CPEB3: variants seen among roughly 807,000 people sequenced by gnomAD.
CPEB3 encodes the protein cytoplasmic polyadenylation element-binding protein 3.
In CPEB3, 20 loss-of-function variants were observed where a neutral mutation model predicts 67.2. The ratio of observed to expected loss-of-function variants is 0.30; its 90% confidence interval spans 0.21 to 0.43. CPEB3 has a LOEUF of 0.43. Ranked by LOEUF, CPEB3 falls within the 20% of genes least tolerant of loss-of-function variation. CPEB3 has a pLI of 1.00. For missense variants in CPEB3, 746 were observed against 968.6 expected (o/e 0.77, Z 3.05); for synonymous variants, 376 against 393.1 (o/e 0.96, Z 0.51).
intron 7 of CPEB3, among the ~76,000 whole-genome samples, chr10:92,110,698 C>G (rs766113126): frequency 1.3e-5 from 2 of 152,228 alleles, no homozygotes; most frequent in Non-Finnish European, 2.9e-5. Context: ...GGCACATAAA[C>G]ATCAACAATT....
At chr10:92,229,784 C>A (rs962434417) in intron 2 of CPEB3, among the ~76,000 whole-genome samples, 1 of 152,202 alleles carries the variant, frequency 6.6e-6, no homozygotes, top group African/African-American at 2.4e-5. Context: ...GTGGCTTACG[C>A]CTATAATCCC....
Position 92,239,362 on chromosome 10 carries a change from T to C in CPEB3, c.989A>G (p.Asn330Ser), listed in dbSNP as rs930750888. ...GAGTATTACCTGAAATGGCAACAGATTGTTACCATTATCGGTCCGGAAAGC... is the reference window on the plus strand; with the variant it reads ...GAGTATTACCTGAAATGGCAACAGACTGTTACCATTATCGGTCCGGAAAGC... ...DNAFRTDNGN[N>S]LLPFQDRSRP... is the part of the protein sequence containing the mutation. Residue 330 changes from asparagine (N) to serine (S), a missense_variant, in exon 2 of 10, where the codon AAT becomes AGT. Asn to Ser is a conservative substitution (Grantham distance 46, BLOSUM62 1). Around this residue, in one of 2 missense-constraint regions of CPEB3, gnomAD observed 643 missense variants for 717.5 expected, o/e 0.90. Coordinates refer to ENST00000265997, the MANE Select transcript of CPEB3 (RefSeq NM_014912.5). The surrounding 1 kb of genome is among the most constrained non-coding windows in gnomAD (Gnocchi z 6.0). 18 of 1,605,770 alleles carry C rather than the reference T, an allele frequency of 1.1e-5. No homozygotes were observed. The highest frequency in any genetic ancestry group is 1.4e-5 in the Non-Finnish European group (17 of 1,176,418).
At chr10:92,059,943 G>C (rs1168199301) in intron 9 of CPEB3, among the ~76,000 whole-genome samples, 2 of 136,978 alleles carry the variant, frequency 1.5e-5, no homozygotes, top group African/African-American at 5.8e-5. Context: ...GCGACAGAGC[G>C]AGACTCCTCA....
At chr10:92,289,732 A>AAAAAAAAAAAAAAAAAAAAAATAT in intron 1 of CPEB3, among the ~76,000 whole-genome samples, 6 of 75,768 alleles carry the variant, frequency 7.9e-5, no homozygotes, top group Non-Finnish European at 1.3e-4. Context: ...AAAAAAAAAA[A>AAAAAAAAAAAAAAAAAAAAAATAT]ATATATATAT....
At chr10:92,159,679 A>T (rs949873269) in intron 4 of CPEB3, among the ~76,000 whole-genome samples, 1 of 152,190 alleles carries the variant, frequency 6.6e-6, no homozygotes, top group Non-Finnish European at 1.5e-5. Flanking sequence ...CTCAAAAAAA[A>T]ACAGAAAACA....
chr10:92,066,201 A>G (rs1842541482), intron 9 of CPEB3, among the ~76,000 whole-genome samples: 1 of 152,172 alleles, frequency 6.6e-6, no homozygotes, highest in East Asian at 1.9e-4. Context: ...TTTAAAAAAT[A>G]TACTATGCAA....
chr10:92,216,640 G>C, intron 2 of CPEB3: 1 of 1,607,882 alleles, frequency 6.2e-7, no homozygotes, highest in Admixed American at 1.7e-5. Context: ...ACCGAAATCT[G>C]CCCTATGTCT....
At chr10:92,248,563 A>G (rs933131740) in intron 1 of CPEB3, among the ~76,000 whole-genome samples, 2 of 152,228 alleles carry the variant, frequency 1.3e-5, no homozygotes, top group African/African-American at 4.8e-5. Flanking sequence ...TGGATGAATA[A>G]AGCATAGTTT....
intron 6 of CPEB3, among the ~76,000 whole-genome samples, chr10:92,121,517 G>C (rs985192798): frequency 2.7e-5 from 4 of 150,840 alleles, no homozygotes; most frequent in Non-Finnish European, 5.9e-5. Flanking sequence ...CTTTTTTGTA[G>C]GTTTGACTTT....
intron 6 of CPEB3, among the ~76,000 whole-genome samples, chr10:92,134,797 T>C (rs891548305): frequency 3.9e-5 from 6 of 151,944 alleles, no homozygotes; most frequent in African/African-American, 1.4e-4. Flanking sequence ...AACAGCATGG[T>C]ACTGGGACCA....
intron 7 of CPEB3, among the ~76,000 whole-genome samples, chr10:92,102,243 G>A (rs951088217): frequency 6.6e-6 from 1 of 152,150 alleles, no homozygotes; most frequent in East Asian, 1.9e-4. Context: ...TAGCTCTGGG[G>A]GCTTCAGTCA....
chr10:92,142,821 A>AAC lies in CPEB3; in HGVS notation c.1453+207_1453+208insGT, dbSNP rs1366523741. 4.6e-3 allele frequency among the ~76,000 whole-genome samples: 700 copies of AAC among 152,324 alleles called. 8 individuals carry two copies. The highest frequency in any genetic ancestry group is 0.031 in the Middle Eastern group (9 of 294). The stretch of plus-strand genomic sequence containing the variant: ...ACTTCCAGGGTCTCACTGTCAATAA[A>AAC]ATCGGTGCCATGAAACAATCAGTGT... On this transcript the variant is annotated intron_variant, in intron 6 of 9. Coordinates refer to ENST00000265997, the MANE Select transcript of CPEB3 (RefSeq NM_014912.5).
intron 9 of CPEB3, among the ~76,000 whole-genome samples, chr10:92,079,910 T>C (rs1305928154): frequency 6.6e-6 from 1 of 152,130 alleles, no homozygotes; most frequent in Non-Finnish European, 1.5e-5. Flanking sequence ...TGTTCAAGAC[T>C]TGGTGCTCGG....
At chr10:92,209,504 A>G (rs939217181) in intron 2 of CPEB3, among the ~76,000 whole-genome samples, 1 of 152,044 alleles carries the variant, frequency 6.6e-6, no homozygotes, top group Admixed American at 6.5e-5. Context: ...CAGCCTGGGC[A>G]ACAAGAGACA....
chr10:92,223,736 G>A (rs1312241210), intron 2 of CPEB3, among the ~76,000 whole-genome samples: 2 of 144,032 alleles, frequency 1.4e-5, no homozygotes, highest in Non-Finnish European at 3.0e-5. Flanking sequence ...ACCACGCCTG[G>A]TTAATTTTTG....
At position 92,117,628 on chromosome 10, in the gene CPEB3, T is replaced by C. The variant is rs182236028; in HGVS notation, c.1454-6434A>G. On this transcript the variant is annotated intron_variant, in intron 6 of 9. Transcript: ENST00000265997. ...TACAGGTGTGAGCCACCGTGCCCAG[T>C]AGTGATTTTTTTCTTTTAATACCTG... is the stretch of plus-strand genomic sequence containing the variant. Among the ~76,000 whole-genome samples, 276 of 151,962 alleles carry C rather than the reference T, an allele frequency of 1.8e-3. 1 individual carries two copies. The highest frequency in any genetic ancestry group is 6.5e-3 in the African/African-American group (268 of 41,464).
At chr10:92,080,386 C>T (rs941098516) in intron 9 of CPEB3, among the ~76,000 whole-genome samples, 3 of 152,110 alleles carry the variant, frequency 2.0e-5, no homozygotes, top group African/African-American at 4.8e-5. Context: ...CACCAACTGC[C>T]TAAAACTCTA....
At chr10:92,074,328 C>G (rs1002055847) in intron 9 of CPEB3, among the ~76,000 whole-genome samples, 2 of 152,164 alleles carry the variant, frequency 1.3e-5, no homozygotes, top group Admixed American at 6.5e-5. Flanking sequence ...TGTGTGTCCA[C>G]TAGGTGTCAG....
chr10:92,139,350 G>GA (rs1028680440), intron 6 of CPEB3, among the ~76,000 whole-genome samples: 6 of 149,422 alleles, frequency 4.0e-5, no homozygotes, highest in African/African-American at 1.2e-4. Flanking sequence ...ATTCAGCCAC[G>GA]AAAAAAAAGA....
Sources: gnomAD v4.1 joint callset for allele counts (sites outside exome capture counted in the v4.1 genomes callset) on GRCh38, gnomAD v4.1.1 for gene constraint, gnomAD v4.1.1 regional missense constraint, Gnocchi (gnomAD v3.1) non-coding constraint, MANE v1.5 for transcripts, NCBI Gene and HGNC (gene_info 2026-07-23, HGNC 2026-07-21) for gene names.